The following SORCS2 variants were observed in gnomAD, a reference collection of about 807,000 sequenced individuals.
SORCS2 encodes sortilin related VPS10 domain containing receptor 2, also known as VPS10 domain-containing receptor SorCS2.
A neutral mutation model predicts 141.6 loss-of-function variants in SORCS2; 100 were observed. The ratio of observed to expected loss-of-function variants is 0.71; its 90% CI spans 0.60 to 0.83. The LOEUF is 0.83. Among genes scored for constraint, SORCS2 ranks in the 40% least tolerant of loss-of-function variants. SORCS2 has a pLI of 0.00. For synonymous variants in SORCS2, 789 were observed against 676.9 expected (o/e 1.17, Z -2.57); for missense variants, 1,646 against 1,560.2 (o/e 1.05, Z -0.93).
chr4:7,510,681 C>T (rs61563854), intron 2 of SORCS2, among the ~76,000 whole-genome samples: 58 of 23,722 alleles, frequency 2.4e-3, no homozygotes, highest in Non-Finnish European at 3.0e-3. Context: ...ACCCCGGGGC[C>T]GGCACCTTGT....
At chr4:7,734,065 A>G (rs138451589) in intron 24 of SORCS2, among the ~76,000 whole-genome samples, 1 of 151,232 alleles carries the variant, frequency 6.6e-6, no homozygotes, top group East Asian at 2.0e-4. Context: ...GGAAGAGGTC[A>G]AGCCGGGAAT....
Position 7,437,913 on chromosome 4 carries a change from A to G in SORCS2, c.548+41558A>G, listed in dbSNP as rs139974139. On this transcript the variant is annotated intron_variant, in intron 2 of 26. Coordinates refer to ENST00000507866, the MANE Select transcript of SORCS2 (RefSeq NM_020777.3). ...CCTACCTGTCTGTCCACACACATGT[A>G]TATATTTGCACGTAATTTTTTTATA... Among the ~76,000 whole-genome samples, 109 of 152,292 alleles carry G rather than the reference A, an allele frequency of 7.2e-4. 1 individual carries two copies. Among genetic ancestry groups the G allele is most frequent in the Admixed American group, 5.4e-3 (82 of 15,298 alleles).
intron 1 of SORCS2, among the ~76,000 whole-genome samples, chr4:7,255,762 C>A (rs1713813765): frequency 6.6e-6 from 1 of 152,112 alleles, no homozygotes. Context: ...CACAGACAGG[C>A]CAGGGCATGC....
chr4:7,423,202 A>G (rs993528493), intron 2 of SORCS2, among the ~76,000 whole-genome samples: 5 of 152,140 alleles, frequency 3.3e-5, no homozygotes, highest in African/African-American at 1.2e-4. Flanking sequence ...CATTGCACTG[A>G]TCATAACCGC....
chr4:7,741,067 C>G lies in SORCS2; in HGVS notation c.*803C>G. The G allele has an allele frequency of 2.5e-6, 1 of 398,888 alleles. No homozygotes were observed. Among genetic ancestry groups the G allele is most frequent in the Non-Finnish European group, 4.4e-6 (1 of 226,308 alleles). The allele number at this position is 398,888 out of a possible 1,614,324, so 24.7% of individuals were successfully genotyped here. ...CCTCACTCCTACCAGCAAGCAGCAC[C>G]ATCCCGCAGGCTTCTCCCACCTGAT... On this transcript the variant is annotated 3_prime_UTR_variant, in exon 27 of 27. Transcript: ENST00000507866.
At chr4:7,598,746 TTCTTCAACCTCCA>T in intron 3 of SORCS2, among the ~76,000 whole-genome samples, 1 of 152,324 alleles carries the variant, frequency 6.6e-6, no homozygotes, top group South Asian at 2.1e-4. Context: ...AGACATAATA[TTCTTCAACCTCCA>T]GAAGTGCAGT....
In SORCS2 at chr4:7,664,364, G is replaced by T. The variant is rs371719399; in HGVS notation, c.964G>T (p.Val322Phe). The T allele has an allele frequency of 3.1e-6, 5 of 1,613,342 alleles. No homozygotes were observed. The highest frequency in any genetic ancestry group is 1.3e-5 in the African/African-American group (1 of 74,884). ...CCTCTCTCCTGTAGATTTTCGGTAC[G>T]TCACCTGCGCAATCCACAATTGCTC... is the stretch of plus-strand genomic sequence containing the variant. The part of the protein sequence containing the change: ...AQDLGGDFRY[V>F]TCAIHNCSEK... Residue 322 changes from valine (V) to phenylalanine (F), a missense_variant, in exon 7 of 27, where the codon GTC (valine) becomes TTC (phenylalanine). Val to Phe is a conservative substitution (Grantham distance 50). Coordinates refer to ENST00000507866, the MANE Select transcript of SORCS2 (RefSeq NM_020777.3). This position sits in a 1 kb window ranked among gnomAD's most constrained non-coding sequence, Gnocchi z 4.7.
Position 7,723,862 on chromosome 4 carries a change from G to C in SORCS2, c.2590G>C (p.Val864Leu). 6.2e-7 allele frequency: 1 copy of C among 1,608,990 alleles called. No homozygotes were observed. The highest frequency in any genetic ancestry group is 8.5e-7 in the Non-Finnish European group (1 of 1,179,420). The change falls in exon 19 of 27, where the codon GTG (valine) becomes CTG (leucine). Residue 864 changes from valine (V) to leucine (L), a missense_variant. Physicochemically the swap from Val to Leu is conservative, Grantham distance 32. Coordinates refer to ENST00000507866, the MANE Select transcript of SORCS2 (RefSeq NM_020777.3). ...GAACACGGCAGGCCACGATGAGGCG[G>C]TGCTCTTTGTCCAGGTCAACTGTAA... Reference protein sequence around the residue: ...AENTAGHDEAVLFVQVNSPLQ... With the variant: ...AENTAGHDEALLFVQVNSPLQ...
intron 1 of SORCS2, among the ~76,000 whole-genome samples, chr4:7,381,744 C>T (rs898688757): frequency 1.3e-5 from 2 of 152,168 alleles, no homozygotes; most frequent in Non-Finnish European, 2.9e-5. Context: ...ACTCCCGCCC[C>T]CACCCAGCCC....
chr4:7,315,351 A>G (rs1277393137), intron 1 of SORCS2, among the ~76,000 whole-genome samples: 2 of 152,242 alleles, frequency 1.3e-5, no homozygotes, highest in East Asian at 3.8e-4. Flanking sequence ...TAGGTGCTCA[A>G]TACATGCTCA....
chr4:7,360,272 A>G (rs1410869180), intron 1 of SORCS2, among the ~76,000 whole-genome samples: 1 of 152,198 alleles, frequency 6.6e-6, no homozygotes, highest in Non-Finnish European at 1.5e-5. Context: ...TTTTGCAGAT[A>G]AAGAAACTGA....
Position 7,666,709 on chromosome 4 carries a change from G to C in SORCS2, c.1072-415G>C, listed in dbSNP as rs574753892. Among the ~76,000 whole-genome samples the C allele has an allele frequency of 6.6e-5, 10 of 152,316 alleles. No homozygotes were observed. The South Asian group carries it at 2.1e-3, about 32-fold the overall frequency. On this transcript the variant is annotated intron_variant, in intron 7 of 26. Transcript: ENST00000507866. ...CACAGTTCATGGGGTTGATTGTTAT[G>C]AGGTCAAATGAGCTGCCTGGGAAAA...
intron 1 of SORCS2, among the ~76,000 whole-genome samples, chr4:7,353,502 C>T (rs1407410348): frequency 6.6e-6 from 1 of 152,220 alleles, no homozygotes; most frequent in Non-Finnish European, 1.5e-5. Context: ...TCTGTGATGA[C>T]AGTCCATGGC....
intron 3 of SORCS2, among the ~76,000 whole-genome samples, chr4:7,606,746 T>G (rs757261526): frequency 2.0e-5 from 3 of 152,022 alleles, no homozygotes; most frequent in African/African-American, 7.2e-5. Context: ...TTGGGAGTTA[T>G]ATTCTTCAAG....
chr4:7,346,435 G>A (rs10017240), intron 1 of SORCS2, among the ~76,000 whole-genome samples: 38,661 of 151,914 alleles, frequency 0.25, 5,267 homozygotes, highest in African/African-American at 0.35. Flanking sequence ...AATATTTACC[G>A]AGACTTGTTT....
chr4:7,476,886 C>T (rs1365484547), intron 2 of SORCS2, among the ~76,000 whole-genome samples: 4 of 152,234 alleles, frequency 2.6e-5, no homozygotes, highest in Non-Finnish European at 5.9e-5. Context: ...CCTTAGACAG[C>T]CAGGTTCAAA....
At chr4:7,255,809 C>T (rs1713817455) in intron 1 of SORCS2, among the ~76,000 whole-genome samples, 1 of 150,892 alleles carries the variant, frequency 6.6e-6, no homozygotes, top group African/African-American at 2.4e-5. Flanking sequence ...GCCACTGGAG[C>T]CCCGGGGTTG....
intron 1 of SORCS2, among the ~76,000 whole-genome samples, chr4:7,270,386 C>T (rs1715040847): frequency 1.3e-5 from 2 of 152,254 alleles, no homozygotes; most frequent in Admixed American, 6.5e-5. Flanking sequence ...CTGGTCCTGT[C>T]TAAACCCCGG....
chr4:7,223,705 G>C (rs1054898106), intron 1 of SORCS2, among the ~76,000 whole-genome samples: 4 of 152,208 alleles, frequency 2.6e-5, no homozygotes, highest in South Asian at 2.1e-4. Flanking sequence ...TCTCAGTGCA[G>C]GTGCCTCAGG....
Sources: allele counts gnomAD v4.1 joint callset (sites outside exome capture counted in the v4.1 genomes callset), GRCh38; gene constraint gnomAD v4.1.1; non-coding constraint Gnocchi (gnomAD v3.1); transcripts MANE v1.5; gene names NCBI Gene and HGNC (gene_info 2026-07-23, HGNC 2026-07-21).